KCNA4: variants seen among roughly 807,000 people sequenced by gnomAD.
The protein encoded by KCNA4 is potassium voltage-gated channel subfamily A member 4, also known as cardiac potassium channel.
Under a neutral mutation model 37.2 loss-of-function variants are expected in KCNA4, and 5 were observed. The ratio of observed to expected loss-of-function variants is 0.13; its 90% CI spans 0.07 to 0.28. The LOEUF (loss-of-function observed/expected upper bound fraction) is 0.28, where lower values mean the gene tolerates loss of function less well. Ranked by LOEUF, KCNA4 falls within the 10% of genes least tolerant of loss-of-function variation. The pLI, the probability that KCNA4 is intolerant of heterozygous loss-of-function variation, is 1.00. For synonymous variants in KCNA4, 350 were observed against 311.8 expected (o/e 1.12, Z -1.29); for missense variants, 634 against 817.4 (o/e 0.78, Z 2.74).
rs772880533 is a variant in KCNA4 at position 30,012,432 on chromosome 11, G to C, written c.247C>G (p.Arg83Gly). The change falls in exon 2 of 2, where the codon CGG becomes GGG. Residue 83 changes from arginine (R) to glycine (G), a missense_variant. Physicochemically the swap from Arg to Gly is moderately radical, Grantham distance 125 (BLOSUM62 -2). Coordinates refer to ENST00000328224, the MANE Select transcript of KCNA4 (RefSeq NM_002233.4). Reference sequence around the variant, plus strand: ...TCAGACCGCTGTCGCCTCCTCCTCCGACTACCCCGGCTGCTCTGAGGGTCA... The same window carrying C: ...TCAGACCGCTGTCGCCTCCTCCTCCCACTACCCCGGCTGCTCTGAGGGTCA... Reference protein sequence around the residue: ...SHDPQSSRGSRRRRRQRSEKK... With the variant: ...SHDPQSSRGSGRRRRQRSEKK... The C allele has an allele frequency of 6.2e-7, 1 of 1,613,464 alleles. No individual in the cohort carries two copies.
Sources: allele counts gnomAD v4.1 joint callset, GRCh38; gene constraint gnomAD v4.1.1; transcripts MANE v1.5; gene names NCBI Gene and HGNC (gene_info 2026-07-23, HGNC 2026-07-21).